Variants in INSRR observed in about 807,000 individuals in gnomAD.
INSRR encodes insulin receptor-related protein.
In INSRR, 114 loss-of-function variants were observed where a neutral mutation model predicts 130.0. The observed-to-expected ratio is 0.88, with a 90% confidence interval of 0.75 to 1.02. The LOEUF (loss-of-function observed/expected upper bound fraction) is 1.02. Ranked by LOEUF, INSRR falls within the 50% of genes least tolerant of loss-of-function variation. The pLI, the probability that INSRR is intolerant of heterozygous loss-of-function variation, is 0.00. For missense variants in INSRR, 1,657 were observed against 1,735.2 expected, an observed-to-expected ratio of 0.95 and a Z score of 0.80; for synonymous variants, 674 against 705.2, an observed-to-expected ratio of 0.96 and a Z score of 0.70.
At position 156,852,098 on chromosome 1, in the gene INSRR, C is replaced by G; in HGVS notation, c.731G>C (p.Arg244Pro). ...LGGCSQPEDP[R>P]ACVACRHLYF... ...GAGGTGGCGGCAAGCTACACAGGCACGAGGGTCTTCTGGCTGGCTGCAGCC... is the reference window on the plus strand; with the variant it reads ...GAGGTGGCGGCAAGCTACACAGGCAGGAGGGTCTTCTGGCTGGCTGCAGCC... The change falls in exon 3 of 22, where the codon CGT (arginine) becomes CCT (proline). Residue 244 changes from arginine (R) to proline (P), a missense_variant. Arg to Pro is a moderately radical substitution (Grantham distance 103, BLOSUM62 -2). Transcript: ENST00000368195. 2 of 1,613,706 alleles carry G rather than the reference C, an allele frequency of 1.2e-6. No individual in the cohort carries two copies. The highest frequency in any genetic ancestry group is 1.7e-4 in the Middle Eastern group (1 of 6,054).
rs750467464 is a variant in INSRR, at chr1:156,845,810, C to A, written c.1983G>T (p.Leu661Phe). ...GATCGTTGTTGCTGGTGGGCAGCCGCAAGCCTGGCGCCGCAGCGGGAAGAC... is the reference window on the plus strand; with the variant it reads ...GATCGTTGTTGCTGGTGGGCAGCCGAAAGCCTGGCGCCGCAGCGGGAAGAC... ...LYLNDYCHRG[L>F]RLPTSNNDPR... Residue 661 changes from leucine to phenylalanine, a missense_variant, in exon 10 of 22, where the codon TTG becomes TTT. By Grantham distance (22) the Leu-to-Phe change is conservative. Coordinates refer to ENST00000368195, the MANE Select transcript of INSRR (RefSeq NM_014215.3). 6.2e-7 allele frequency: 1 copy of A among 1,612,208 alleles called. No individual in the cohort carries two copies. The highest frequency in any genetic ancestry group is 2.2e-5 in the East Asian group (1 of 44,850).
chr1:156,841,775 G>A lies in INSRR; in HGVS notation c.3417C>T (p.Asp1139=), dbSNP rs141747592. ...VKIGDFGMTR[D]VYETDYYRKG... is the part of the protein sequence containing the mutation. ...TGCGGTAATAGTCTGTCTCATACAC[G>A]TCCCGAGTCATCCCGAAGTCTGGAA... The change falls in exon 20 of 22, where the codon GAC becomes GAT. Residue 1139 remains aspartate, a synonymous_variant. Transcript: ENST00000368195. The A allele has an allele frequency of 9.9e-5, 159 of 1,614,082 alleles. No individual in the cohort carries two copies. In the African/African-American group the frequency reaches 1.7e-3, roughly 17 times the overall value.
At chr1:156,849,499 G>T in intron 5 of INSRR, 39 bp from the exon 6 acceptor site, 1 of 1,329,894 alleles carries the variant, frequency 7.5e-7, no homozygotes, top group Admixed American at 1.7e-5. Context: ...CGGGGAGGTG[G>T]GGGCAGGGGG....
Position 156,846,616 on chromosome 1 carries a change from G to A in INSRR, c.1713C>T (p.Tyr571=), listed in dbSNP as rs201065454. ...TLASLKPWTQ[Y]AVFVRAITLT... ...GCGTGATGGCCCGCACAAACACTGC[G>A]TACTGTGTCCAAGGCTTGAGGGAGG... The change falls in exon 8 of 22, where the codon TAC becomes TAT. Residue 571 remains tyrosine, a synonymous_variant. Transcript: ENST00000368195. 1.1e-4 allele frequency: 177 copies of A among 1,614,110 alleles called. 1 individual carries two copies. The Middle Eastern group carries it at 1.2e-3, about 11-fold the overall frequency.
chr1:156,851,743 C>G lies in INSRR; in HGVS notation c.987G>C (p.Lys329Asn). Reference sequence around the variant, plus strand: ...TGGAGTCGATGGTCTTGGTGCCTACCTTGCACTCTTTAGGGCACAGCCCCT... The same window carrying G: ...TGGAGTCGATGGTCTTGGTGCCTACGTTGCACTCTTTAGGGCACAGCCCCT... The part of the protein sequence containing the change: ...KCEGLCPKEC[K>N]VGTKTIDSIQ... The change falls in exon 4 of 22, where the codon AAG (lysine) becomes AAC (asparagine). Residue 329 changes from lysine to asparagine, a missense_variant. Physicochemically the swap from Lys to Asn is moderately conservative, Grantham distance 94. Transcript: ENST00000368195. 2 of 1,614,138 alleles carry G rather than the reference C, an allele frequency of 1.2e-6. No homozygotes were observed. The highest frequency in any genetic ancestry group is 1.7e-6 in the Non-Finnish European group (2 of 1,179,986).
chr1:156,852,767 G>C (rs1230477176), intron 2 of INSRR, among the ~76,000 whole-genome samples: 7 of 152,230 alleles, frequency 4.6e-5, no homozygotes, highest in Non-Finnish European at 1.0e-4. Flanking sequence ...GCGATCTGTG[G>C]GGTAGGGGTC....
At position 156,845,140 on chromosome 1, in the gene INSRR, G is replaced by GA; in HGVS notation, c.2372_2373insT (p.His792ProfsTer25). ...TGCAGCCCACGGTGTGCGCCGCGTG[G>GA]TTGCAGGCATGGATGTCGATCCGGT... On this transcript the variant is annotated frameshift_variant, in exon 12 of 22. Transcript: ENST00000368195. LOFTEE classifies it high-confidence loss of function. 6.2e-7 allele frequency: 1 copy of GA among 1,612,052 alleles called. No individual in the cohort carries two copies. Among genetic ancestry groups the GA allele is most frequent in the Non-Finnish European group, 8.5e-7 (1 of 1,179,452 alleles).
intron 21 of INSRR, 67 bp from the exon 22 acceptor site, chr1:156,841,171 C>A: frequency 2.4e-6 from 3 of 1,272,504 alleles, no homozygotes; most frequent in Non-Finnish European, 3.3e-6. Context: ...GCCTCCTGCA[C>A]TGAGGGTCAG....
At chr1:156,846,454 C>T (rs1449607581) in intron 8 of INSRR, 65 bp downstream of exon 8, 14 of 1,307,438 alleles carry the variant, frequency 1.1e-5, no homozygotes, top group South Asian at 1.2e-5. Context: ...ATTTCTGGTG[C>T]CTGTGCTCCC....
At chr1:156,842,553 C>A in intron 17 of INSRR, 45 bp from the exon 18 acceptor site, 1 of 1,498,934 alleles carries the variant, frequency 6.7e-7, no homozygotes, top group Non-Finnish European at 9.3e-7. Flanking sequence ...TTCCCCTTGA[C>A]CCATTTGGCC....
chr1:156,842,045 T>A, intron 19 of INSRR, 67 bp downstream of exon 19: 2 of 1,602,704 alleles, frequency 1.2e-6, no homozygotes, highest in Non-Finnish European at 1.7e-6. Context: ...GTGGGTCTCC[T>A]GATGCCTAGC....
chr1:156,856,534 C>T lies in INSRR; in HGVS notation c.85+2003G>A, dbSNP rs76716220. On this transcript the variant is annotated intron_variant, in intron 1 of 21. Coordinates refer to ENST00000368195, the MANE Select transcript of INSRR (RefSeq NM_014215.3). ...GCCTCAGAAGGGTCCTTCAGCCTCT[C>T]GGGTCAGACCTTTCTTCCCTGACCC... 2.5e-3 allele frequency among the ~76,000 whole-genome samples: 384 copies of T among 152,286 alleles called. 13 individuals are homozygous for T. In the East Asian group the frequency reaches 0.059, roughly 23 times the overall value.
chr1:156,840,702 T>G lies in INSRR; in HGVS notation c.*171A>C. On this transcript the variant is annotated 3_prime_UTR_variant, in exon 22 of 22. Transcript: ENST00000368195. ...CTCAGAGTCTGAGAAACTCCTATGG[T>G]GAGACCCCTCTGCCCACCCCCACAG... is the stretch of plus-strand genomic sequence containing the variant. 1.6e-6 allele frequency: 1 copy of G among 628,966 alleles called. No homozygotes were observed. The highest frequency in any genetic ancestry group is 2.8e-6 in the Non-Finnish European group (1 of 352,022). 39.0% of individuals were successfully genotyped at this position (628,966 alleles called of 1,614,324 possible).
chr1:156,854,594 C>T lies in INSRR; in HGVS notation c.86-291G>A, dbSNP rs570313884. On this transcript the variant is annotated intron_variant, in intron 1 of 21. Transcript: ENST00000368195. This position sits in a 1 kb window ranked among gnomAD's most constrained non-coding sequence, Gnocchi z 4.2. ...TTCATTCTTGCAGTCAGGCTCCCAA[C>T]GACTGCAAGCGACTCCCAGCGACTT... is the stretch of plus-strand genomic sequence containing the variant. 1.3e-4 allele frequency among the ~76,000 whole-genome samples: 20 copies of T among 152,322 alleles called. No individual in the cohort carries two copies. In the East Asian group the frequency reaches 3.1e-3, roughly 24 times the overall value.
rs374233274 is a variant in INSRR at position 156,854,238 on chromosome 1, C to T, written c.151G>A (p.Val51Met). ...ELRQLENCSVVEGHLQILLMF... is the reference protein window; with the variant it reads ...ELRQLENCSVMEGHLQILLMF... ...AGCAGGATCTGCAGGTGGCCCTCCACCACGCTGCAGTTCTCCAGCTGACGA... is the reference window on the plus strand; with the variant it reads ...AGCAGGATCTGCAGGTGGCCCTCCATCACGCTGCAGTTCTCCAGCTGACGA... The change falls in exon 2 of 22, where the codon GTG (valine) becomes ATG (methionine). Residue 51 changes from valine (V) to methionine (M), a missense_variant. Physicochemically the swap from Val to Met is conservative, Grantham distance 21. Transcript: ENST00000368195. The surrounding 1 kb of genome is among the most constrained non-coding windows in gnomAD (Gnocchi z 4.2). The T allele has an allele frequency of 1.2e-6, 2 of 1,613,900 alleles. No individual in the cohort carries two copies. The highest frequency in any genetic ancestry group is 8.5e-7 in the Non-Finnish European group (1 of 1,180,020).
rs572654538 is a variant in INSRR at position 156,842,284 on chromosome 1, T to C, written c.3238-13A>G. On this transcript the variant is annotated splice_polypyrimidine_tract_variant and intron_variant, in intron 18 of 21. Coordinates refer to ENST00000368195, the MANE Select transcript of INSRR (RefSeq NM_014215.3). ...GCCCAGGGTTGTTCTAGAGCCAAGA[T>C]TGGGGGCTGGTGAGGAAGGAACCCA... 2.0e-5 allele frequency: 32 copies of C among 1,613,780 alleles called. No individual in the cohort carries two copies. Among genetic ancestry groups the C allele is most frequent in the Admixed American group, 1.8e-4 (11 of 59,972 alleles).
At chr1:156,857,921 C>T (rs546886363) in intron 1 of INSRR, among the ~76,000 whole-genome samples, 7 of 152,312 alleles carry the variant, frequency 4.6e-5, no homozygotes, top group African/African-American at 1.7e-4. Context: ...ATAGTCCCCC[C>T]ACCCCTCCTC....
In INSRR at chr1:156,845,694, G is replaced by T. The variant is rs764278231; in HGVS notation, c.2099C>A (p.Pro700His). Residue 700 changes from proline (P) to histidine (H), a missense_variant, in exon 10 of 22, where the codon CCC becomes CAC. Coordinates refer to ENST00000368195, the MANE Select transcript of INSRR (RefSeq NM_014215.3). Reference sequence around the variant, plus strand: ...CGAGGCCTCTTGCGCCTCCAGCGGGGGCAGAACCTGACCAGGAGGTGGGTG... The same window carrying T: ...CGAGGCCTCTTGCGCCTCCAGCGGGTGCAGAACCTGACCAGGAGGTGGGTG... ...CQHPPPGQVL[P>H]PLEAQEASFQ... The T allele has an allele frequency of 6.2e-7, 1 of 1,613,174 alleles. No individual in the cohort carries two copies. Among genetic ancestry groups the T allele is most frequent in the East Asian group, 2.2e-5 (1 of 44,874 alleles).
At chr1:156,842,717 G>T (rs1056697560) in intron 17 of INSRR, among the ~76,000 whole-genome samples, 3 of 152,066 alleles carry the variant, frequency 2.0e-5, no homozygotes, top group Non-Finnish European at 2.9e-5. Context: ...TCACGAACTT[G>T]GTCCAACTTT....
Sources: gnomAD v4.1 joint callset for allele counts (sites outside exome capture counted in the v4.1 genomes callset) on GRCh38, gnomAD v4.1.1 for gene constraint, Gnocchi (gnomAD v3.1) non-coding constraint, MANE v1.5 for transcripts, NCBI Gene and HGNC (gene_info 2026-07-23, HGNC 2026-07-21) for gene names.